The following TASP1 variants were observed in gnomAD, a reference collection of about 807,000 sequenced individuals.
TASP1 encodes threonine aspartase 1.
Under a neutral mutation model 56.6 loss-of-function variants are expected in TASP1, and 16 were observed. That is an observed-to-expected ratio of 0.28 (90% CI 0.19 to 0.43). The LOEUF is 0.43. Among genes scored for constraint, TASP1 ranks in the 20% least tolerant of loss-of-function variants. TASP1 has a pLI of 1.00. For synonymous variants in TASP1, 179 were observed against 184.2 expected, an observed-to-expected ratio of 0.97 and a Z score of 0.23; for missense variants, 393 against 511.6, an observed-to-expected ratio of 0.77 and a Z score of 2.24.
the TASP1 span, among the ~76,000 whole-genome samples, chr20:13,376,436 A>C: frequency 0.49 from 73,910 of 151,762 alleles, 19,671 homozygotes; most frequent in Non-Finnish European, 0.6. Flanking sequence ...TGGTCTATAT[A>C]TCTGTTTTGG....
intron 1 of TASP1, among the ~76,000 whole-genome samples, chr20:13,634,190 G>C (rs1289200906): frequency 1.3e-5 from 2 of 152,108 alleles, no homozygotes; most frequent in East Asian, 3.9e-4. Flanking sequence ...TCACACAATG[G>C]AACATTATTC....
chr20:13,540,319 A>C (rs2045574437), intron 8 of TASP1, among the ~76,000 whole-genome samples: 1 of 152,236 alleles, frequency 6.6e-6, no homozygotes, highest in Non-Finnish European at 1.5e-5. Flanking sequence ...ACAATTTTAT[A>C]ATTCTAAATC....
At chr20:13,378,582 T>C in the TASP1 span, among the ~76,000 whole-genome samples, 1 of 152,224 alleles carries the variant, frequency 6.6e-6, no homozygotes, top group African/African-American at 2.4e-5. Flanking sequence ...TATAAATGTC[T>C]ATTAGGTCTG....
At chr20:13,413,207 C>A (rs2042148054) in intron 13 of TASP1, among the ~76,000 whole-genome samples, 1 of 152,128 alleles carries the variant, frequency 6.6e-6, no homozygotes, top group Admixed American at 6.5e-5. Context: ...ATGTTAAAAA[C>A]AAAATGTAAA....
chr20:13,426,005 G>T (rs2042606135), intron 12 of TASP1, among the ~76,000 whole-genome samples: 2 of 152,140 alleles, frequency 1.3e-5, no homozygotes, highest in Non-Finnish European at 2.9e-5. Context: ...ACTAAGCCAA[G>T]AAAATAATCA....
At chr20:13,110,251 G>C in the TASP1 span, 4 of 1,575,532 alleles carry the variant, frequency 2.5e-6, no homozygotes, top group Non-Finnish European at 3.5e-6. Flanking sequence ...TTACGACTCG[G>C]AGGCCTGCAG....
intron 13 of TASP1, among the ~76,000 whole-genome samples, chr20:13,406,668 C>CTTTTTTTTTTTTTTTTTTTTTTTTTTTT (rs149352395): frequency 8.5e-6 from 1 of 117,692 alleles, no homozygotes; most frequent in Non-Finnish European, 1.8e-5. Flanking sequence ...AGGGTTTTTT[C>CTTTTTTTTTTTTTTTTTTTTTTTTTTTT]TTTTTTTTTT....
At chr20:13,294,200 C>G in the TASP1 span, among the ~76,000 whole-genome samples, 1 of 152,054 alleles carries the variant, frequency 6.6e-6, no homozygotes, top group Non-Finnish European at 1.5e-5. Flanking sequence ...TTTTTAAATG[C>G]TTGATAGAAA....
the TASP1 span, among the ~76,000 whole-genome samples, chr20:13,289,780 T>G: frequency 6.6e-6 from 1 of 152,166 alleles, no homozygotes; most frequent in South Asian, 2.1e-4. Flanking sequence ...TAGTAACTCC[T>G]GGTGTATAGT....
intron 4 of TASP1, among the ~76,000 whole-genome samples, chr20:13,613,627 C>A (rs1399720137): frequency 6.6e-6 from 1 of 151,974 alleles, no homozygotes. Flanking sequence ...TTCTTAGTCA[C>A]ATATGAACAT....
chr20:13,360,000 G>A, the TASP1 span, among the ~76,000 whole-genome samples: 2 of 151,986 alleles, frequency 1.3e-5, no homozygotes, highest in African/African-American at 2.4e-5. Flanking sequence ...GCTACAGCAC[G>A]GCCTTTTAAA....
At chr20:13,168,605 A>T in the TASP1 span, 1 of 152,250 alleles carries the variant, frequency 6.6e-6, no homozygotes, top group Admixed American at 6.5e-5. Flanking sequence ...TCTTCAAACG[A>T]ACAATATTCT....
intron 11 of TASP1, among the ~76,000 whole-genome samples, chr20:13,463,755 A>C (rs932014072): frequency 6.6e-6 from 1 of 152,174 alleles, no homozygotes; most frequent in South Asian, 2.1e-4. Context: ...AAGATGCTTA[A>C]TGTCACTAAT....
chr20:13,450,724 A>G (rs2043585925), intron 11 of TASP1, among the ~76,000 whole-genome samples: 1 of 152,114 alleles, frequency 6.6e-6, no homozygotes, highest in African/African-American at 2.4e-5. Flanking sequence ...AACTCCTCAA[A>G]GTCATCAATG....
intron 6 of TASP1, among the ~76,000 whole-genome samples, chr20:13,572,258 G>A (rs965420344): frequency 5.3e-5 from 8 of 152,140 alleles, no homozygotes; most frequent in African/African-American, 1.9e-4. Flanking sequence ...AAATAATAGA[G>A]TGTCAAACTT....
At chr20:13,420,381 A>G (rs2042394346) in intron 12 of TASP1, among the ~76,000 whole-genome samples, 2 of 152,204 alleles carry the variant, frequency 1.3e-5, no homozygotes, top group African/African-American at 4.8e-5. Context: ...AGTGTTTAGG[A>G]GTTTTTAAAG....
At chr20:13,586,581 T>C (rs976189722) in intron 5 of TASP1, among the ~76,000 whole-genome samples, 3 of 152,124 alleles carry the variant, frequency 2.0e-5, no homozygotes, top group African/African-American at 7.2e-5. Context: ...CCTTTTGACA[T>C]GGAAATGTTT....
the TASP1 span, among the ~76,000 whole-genome samples, chr20:13,256,382 T>A: frequency 1.6e-5 from 2 of 121,286 alleles, no homozygotes; most frequent in African/African-American, 6.8e-5. Context: ...GGCAACAGAG[T>A]GAGACCCCGT....
the TASP1 span, among the ~76,000 whole-genome samples, chr20:13,287,637 A>G: frequency 6.6e-6 from 1 of 152,146 alleles, no homozygotes; most frequent in Non-Finnish European, 1.5e-5. Context: ...CTAAAATATT[A>G]GTTCCTCCAA....
Sources: allele counts gnomAD v4.1 joint callset (sites outside exome capture counted in the v4.1 genomes callset), GRCh38; gene constraint gnomAD v4.1.1; transcripts MANE v1.5; gene names NCBI Gene and HGNC (gene_info 2026-07-23, HGNC 2026-07-21).